The following ADAMTS3 variants were observed in gnomAD, a reference collection of about 807,000 sequenced individuals.
ADAMTS3 encodes the protein A disintegrin and metalloproteinase with thrombospondin motifs 3.
A neutral mutation model predicts 129.0 loss-of-function variants in ADAMTS3; 73 were observed. The ratio of observed to expected loss-of-function variants is 0.57; its 90% CI spans 0.47 to 0.69. ADAMTS3 has a LOEUF of 0.69. Ranked by LOEUF, ADAMTS3 falls within the 30% of genes least tolerant of loss-of-function variation. The probability of loss-of-function intolerance (pLI) is 0.00; values close to 1 mark genes in which losing one functional copy is unlikely to be tolerated. For synonymous variants in ADAMTS3, 477 were observed against 510.8 expected, an observed-to-expected ratio of 0.93 and a Z score of 0.89; for missense variants, 1,457 against 1,514.5, an observed-to-expected ratio of 0.96 and a Z score of 0.63.
At position 72,304,279 on chromosome 4, in the gene ADAMTS3, A is replaced by G. The variant is rs77111358; in HGVS notation, c.2261-199T>C. On this transcript the variant is annotated intron_variant, in intron 16 of 21. Coordinates refer to ENST00000286657, the MANE Select transcript of ADAMTS3 (RefSeq NM_014243.3). ...TCAAAACTCTCAAGAAGCATTCCTA[A>G]CTAGTCAAAAATACAGCAAGATGGT... 1.4e-3 allele frequency among the ~76,000 whole-genome samples: 207 copies of G among 152,260 alleles called. 2 individuals carry two copies. The highest frequency in any genetic ancestry group is 4.9e-3 in the African/African-American group (202 of 41,560).
intron 3 of ADAMTS3, among the ~76,000 whole-genome samples, chr4:72,426,712 C>T (rs77530503): frequency 1.1e-4 from 17 of 151,892 alleles, no homozygotes; most frequent in Admixed American, 1.1e-3. Flanking sequence ...ATAGTGAGGC[C>T]CTGTCTCTAC....
intron 4 of ADAMTS3, among the ~76,000 whole-genome samples, chr4:72,389,024 C>T (rs1051949329): frequency 1.3e-5 from 2 of 152,158 alleles, no homozygotes; most frequent in African/African-American, 4.8e-5. Context: ...CATCCTCGGC[C>T]TAGCACAAAC....
At chr4:72,399,718 A>C (rs1429341892) in intron 4 of ADAMTS3, among the ~76,000 whole-genome samples, 2 of 145,358 alleles carry the variant, frequency 1.4e-5, no homozygotes, top group Admixed American at 1.4e-4. Context: ...GTGTGTACGC[A>C]TATGTGTGTA....
chr4:72,365,589 T>A (rs1720850598), intron 4 of ADAMTS3, among the ~76,000 whole-genome samples: 1 of 152,196 alleles, frequency 6.6e-6, no homozygotes. Flanking sequence ...GCTGTACACA[T>A]CATGAATATC....
intron 4 of ADAMTS3, among the ~76,000 whole-genome samples, chr4:72,378,365 T>G (rs1721187939): frequency 6.6e-6 from 1 of 152,228 alleles, no homozygotes; most frequent in African/African-American, 2.4e-5. Context: ...TTGTGGGTTC[T>G]GTTTGAGGTT....
chr4:72,370,830 G>A (rs1024555562), intron 4 of ADAMTS3, among the ~76,000 whole-genome samples: 2 of 152,100 alleles, frequency 1.3e-5, no homozygotes, highest in African/African-American at 2.4e-5. Flanking sequence ...AATTATTATT[G>A]TGGGTTGACA....
chr4:72,369,649 T>G (rs1249792916), intron 4 of ADAMTS3, among the ~76,000 whole-genome samples: 1 of 151,248 alleles, frequency 6.6e-6, no homozygotes, highest in Non-Finnish European at 1.5e-5. Context: ...AGGCGGAGGT[T>G]GCAGTTAGCC....
intron 3 of ADAMTS3, among the ~76,000 whole-genome samples, chr4:72,497,750 GA>G (rs10695197): frequency 6.6e-6 from 1 of 151,378 alleles, no homozygotes; most frequent in Admixed American, 6.6e-5. Context: ...ATTATCATCA[GA>G]AAAAAAGTCT....
At chr4:72,516,287 T>TGA (rs1720476037) in intron 3 of ADAMTS3, among the ~76,000 whole-genome samples, 1 of 152,194 alleles carries the variant, frequency 6.6e-6, no homozygotes, top group Non-Finnish European at 1.5e-5. Context: ...TCCAGCTTCG[T>TGA]TCTTTTAGCT....
intron 6 of ADAMTS3, 30 bp from the exon 7 acceptor site, chr4:72,320,900 C>G: frequency 1.3e-6 from 2 of 1,590,126 alleles, no homozygotes; most frequent in Non-Finnish European, 1.7e-6. Flanking sequence ...TAAAGACACA[C>G]CTGACAATTT....
At chr4:72,455,948 C>CTATATATTTTATATAT (rs1560522185) in intron 3 of ADAMTS3, among the ~76,000 whole-genome samples, 786 of 73,912 alleles carry the variant, frequency 0.011, 165 homozygotes, top group African/African-American at 0.047. Flanking sequence ...AGTATATATA[C>CTATATATTTTATATAT]AGTATATATA....
intron 4 of ADAMTS3, among the ~76,000 whole-genome samples, chr4:72,343,710 G>A (rs1720199144): frequency 6.6e-6 from 1 of 152,074 alleles, no homozygotes; most frequent in Non-Finnish European, 1.5e-5. Context: ...GGAAAATCCA[G>A]GTTACAGAGA....
intron 4 of ADAMTS3, among the ~76,000 whole-genome samples, chr4:72,409,500 T>C (rs1018655427): frequency 5.9e-5 from 9 of 152,136 alleles, no homozygotes; most frequent in African/African-American, 2.2e-4. Context: ...AAGAACTAAA[T>C]AGTAATCCTG....
rs780744407 is a variant in ADAMTS3, at chr4:72,295,702, G to A, written c.2675C>T (p.Pro892Leu). 10 of 1,612,700 alleles carry A rather than the reference G, an allele frequency of 6.2e-6. No individual in the cohort carries two copies. The Admixed American group carries it at 1.0e-4, about 16-fold the overall frequency. The change falls in exon 19 of 22, where the codon CCG becomes CTG. Residue 892 changes from proline (P) to leucine (L), a missense_variant. Physicochemically the swap from Pro to Leu is moderately conservative, Grantham distance 98. Coordinates refer to ENST00000286657, the MANE Select transcript of ADAMTS3 (RefSeq NM_014243.3). ...ATTGCACATTCGTCTAATAGGTTTC[G>A]GCTTTTTGTTGGCCTCACAGAAGCT... ...HRSFCEANKK[P>L]KPIRRMCNIQ...
At chr4:72,294,799 C>T (rs983795185) in intron 19 of ADAMTS3, among the ~76,000 whole-genome samples, 3 of 151,902 alleles carry the variant, frequency 2.0e-5, no homozygotes, top group African/African-American at 7.2e-5. Flanking sequence ...AATAATAGAA[C>T]AGTATTTTTG....
At chr4:72,497,992 T>A (rs1578735317) in intron 3 of ADAMTS3, among the ~76,000 whole-genome samples, 2 of 152,056 alleles carry the variant, frequency 1.3e-5, no homozygotes, top group African/African-American at 4.8e-5. Flanking sequence ...AATGTCAATA[T>A]CCACTGAAAT....
chr4:72,302,291 G>A (rs1376088887), intron 17 of ADAMTS3, among the ~76,000 whole-genome samples: 2 of 61,714 alleles, frequency 3.2e-5, no homozygotes, highest in African/African-American at 6.5e-5. Context: ...AAATTCAGCC[G>A]AAAAATGGAA....
rs765898867 is a variant in ADAMTS3 at position 72,283,116 on chromosome 4, A to C, written c.*20T>G. 1.9e-6 allele frequency: 3 copies of C among 1,573,402 alleles called. No individual in the cohort carries two copies. In the East Asian group the frequency reaches 6.7e-5, roughly 35 times the overall value. ...TTGTCCAGGTTTTCCTCTGGTTTCT[A>C]GCCTTTTTGGTTCACTTTCTCATCT... On this transcript the variant is annotated 3_prime_UTR_variant, in exon 22 of 22. Coordinates refer to ENST00000286657, the MANE Select transcript of ADAMTS3 (RefSeq NM_014243.3).
chr4:72,467,683 C>A (rs1173820063), intron 3 of ADAMTS3, among the ~76,000 whole-genome samples: 1 of 152,086 alleles, frequency 6.6e-6, no homozygotes. Context: ...GTCTTACCTC[C>A]TCTGAAGGAT....
Sources: gnomAD v4.1 joint callset for allele counts (sites outside exome capture counted in the v4.1 genomes callset) on GRCh38, gnomAD v4.1.1 for gene constraint, MANE v1.5 for transcripts, NCBI Gene and HGNC (gene_info 2026-07-23, HGNC 2026-07-21) for gene names.